ZNF487: variants seen among roughly 807,000 people sequenced by gnomAD.
ZNF487 encodes the protein KRAB domain only 1.
In ZNF487, 4 loss-of-function variants were observed where a neutral mutation model predicts 3.0. The observed-to-expected ratio is 1.35, with a 90% CI of 0.66 to 3.08. The LOEUF is 3.08. Ranked by LOEUF, ZNF487 falls within the 30% of genes most tolerant of loss-of-function variation. The pLI is 0.01. For synonymous variants in ZNF487, 55 were observed against 34.6 expected (o/e 1.59, Z -2.06); for missense variants, 146 against 98.7 (o/e 1.48, Z -2.03).
chr10:43,462,669 T>C (rs1840473606), intron 1 of ZNF487, among the ~76,000 whole-genome samples: 2 of 152,094 alleles, frequency 1.3e-5, no homozygotes, highest in African/African-American at 4.8e-5. Flanking sequence ...TTGGCCAGGA[T>C]GGTCACGATC....
At chr10:43,443,372 G>GT (rs1839687537) in intron 1 of ZNF487, among the ~76,000 whole-genome samples, 1 of 139,174 alleles carries the variant, frequency 7.2e-6, no homozygotes. Flanking sequence ...CCTAGTTTTT[G>GT]TTTTTGTTTT....
the ZNF487 span, among the ~76,000 whole-genome samples, chr10:43,493,059 C>G: frequency 2.0e-5 from 3 of 151,890 alleles, no homozygotes; most frequent in East Asian, 5.8e-4. Flanking sequence ...GGAGAAACCC[C>G]GTCTCTACCA....
chr10:43,459,737 C>T (rs983720821), intron 1 of ZNF487, among the ~76,000 whole-genome samples: 3 of 150,994 alleles, frequency 2.0e-5, no homozygotes, highest in Non-Finnish European at 4.4e-5. Context: ...TTTGTACAGA[C>T]AGGGTTTTGC....
At chr10:43,479,170 C>T (rs924573107) in intron 3 of ZNF487, among the ~76,000 whole-genome samples, 1 of 149,468 alleles carries the variant, frequency 6.7e-6, no homozygotes, top group African/African-American at 2.4e-5. Flanking sequence ...TGCTGTGTTG[C>T]TCAGACTGGT....
chr10:43,495,491 G>T, the ZNF487 span, among the ~76,000 whole-genome samples: 3 of 152,046 alleles, frequency 2.0e-5, no homozygotes, highest in African/African-American at 7.2e-5. Context: ...TGATTTGCCC[G>T]CCTGGGGCTC....
chr10:43,480,750 A>G lies in ZNF487; in HGVS notation c.131-679A>G, dbSNP rs564546390. ...TCTCTTTTTTTTTTTTAATAATTCA[A>G]TGGGCACAGTTGAGAGTTCAGAGCT... On this transcript the variant is annotated intron_variant, in intron 3 of 3. Coordinates refer to ENST00000437590, the MANE Select transcript of ZNF487 (RefSeq NM_001355444.3). 1.1e-4 allele frequency among the ~76,000 whole-genome samples: 16 copies of G among 151,490 alleles called. 1 individual carries two copies. In the South Asian group the frequency reaches 1.5e-3, roughly 14 times the overall value.
intron 1 of ZNF487, among the ~76,000 whole-genome samples, chr10:43,442,261 AC>A (rs1191720743): frequency 3.4e-4 from 51 of 149,900 alleles, no homozygotes; most frequent in African/African-American, 1.1e-3. Context: ...AACAACAACA[AC>A]AACAACAAAA....
the ZNF487 span, among the ~76,000 whole-genome samples, chr10:43,493,709 AATATATATATAT>A: frequency 0.04 from 1,738 of 43,658 alleles, 72 homozygotes; most frequent in East Asian, 0.14. Context: ...AAAAAAAAAA[AATATATATATAT>A]ATATATATAT....
chr10:43,461,037 G>T lies in ZNF487; in HGVS notation c.-93-14684G>T, dbSNP rs188203098. ...TTTTTTTTTTTTGAGACAGAGTTTC[G>T]CTCTCATCGCCCAGGCTGGAGTGCA... is the stretch of plus-strand genomic sequence containing the variant. On this transcript the variant is annotated intron_variant, in intron 1 of 3. Coordinates refer to ENST00000437590, the MANE Select transcript of ZNF487 (RefSeq NM_001355444.3). Among the ~76,000 whole-genome samples the T allele has an allele frequency of 3.5e-3, 511 of 147,134 alleles. 5 individuals are homozygous for T. Among genetic ancestry groups the T allele is most frequent in the Non-Finnish European group, 5.4e-3 (364 of 67,014 alleles).
At chr10:43,507,467 A>G in the ZNF487 span, among the ~76,000 whole-genome samples, 1 of 152,164 alleles carries the variant, frequency 6.6e-6, no homozygotes, top group Non-Finnish European at 1.5e-5. Flanking sequence ...GCTTCTGTTC[A>G]GCGTGCTCTC....
intron 1 of ZNF487, among the ~76,000 whole-genome samples, chr10:43,467,287 C>T (rs1047599325): frequency 6.6e-6 from 1 of 152,062 alleles, no homozygotes; most frequent in African/African-American, 2.4e-5. Flanking sequence ...TCACTGCAAC[C>T]TCTGCCTCGC....
chr10:43,522,005 A>T, the ZNF487 span, among the ~76,000 whole-genome samples: 1 of 152,216 alleles, frequency 6.6e-6, no homozygotes, highest in African/African-American at 2.4e-5. Context: ...TGACAGGTTC[A>T]TTAATGACAA....
chr10:43,455,089 A>G (rs1840132995), intron 1 of ZNF487, among the ~76,000 whole-genome samples: 1 of 151,096 alleles, frequency 6.6e-6, no homozygotes, highest in Admixed American at 6.6e-5. Context: ...GCTCACTGCA[A>G]GCTCCGCCTC....
chr10:43,442,260 AACAACAAC>A (rs1453854717), intron 1 of ZNF487, among the ~76,000 whole-genome samples: 6 of 150,018 alleles, frequency 4.0e-5, no homozygotes, highest in African/African-American at 1.2e-4. Flanking sequence ...CAACAACAAC[AACAACAAC>A]AAAAAAAAAA....
the ZNF487 span, among the ~76,000 whole-genome samples, chr10:43,503,298 A>T: frequency 6.6e-6 from 1 of 152,238 alleles, no homozygotes; most frequent in Non-Finnish European, 1.5e-5. Context: ...ATATATAGAT[A>T]GAAAAAAGCT....
intron 3 of ZNF487, among the ~76,000 whole-genome samples, chr10:43,477,944 C>G (rs1395441522): frequency 1.3e-5 from 2 of 150,090 alleles, no homozygotes; most frequent in African/African-American, 4.9e-5. Flanking sequence ...GAGCGAGACT[C>G]CATCTCGAAA....
At chr10:43,450,488 G>T (rs1338332426) in intron 1 of ZNF487, among the ~76,000 whole-genome samples, 1 of 152,076 alleles carries the variant, frequency 6.6e-6, no homozygotes, top group East Asian at 1.9e-4. Context: ...GAGTATCTGG[G>T]ATTACAGGAA....
In ZNF487 at chr10:43,481,728, A is replaced by T; in HGVS notation, c.430A>T (p.Asn144Tyr). 1 of 716,608 alleles carries T rather than the reference A, an allele frequency of 1.4e-6. No homozygotes were observed. Among genetic ancestry groups the T allele is most frequent in the Non-Finnish European group, 2.6e-6 (1 of 384,974 alleles). 44.4% of individuals were successfully genotyped at this position (716,608 alleles called of 1,614,324 possible). A position where few individuals can be genotyped will look rare whatever the true frequency, so the allele number is the denominator to read the frequency against. ...GKFLLCMKRE[N>Y]PYARGKPLEY... ...ATTTCTCCTCTGTATGAAGCGTGAG[A>T]ATCCTTATGCCAGAGGGAAACCTTT... The change falls in exon 4 of 4, where the codon AAT (asparagine) becomes TAT (tyrosine). Residue 144 changes from asparagine (N) to tyrosine (Y), a missense_variant. By Grantham distance (143) the Asn-to-Tyr change is moderately radical. Transcript: ENST00000437590.
chr10:43,463,506 G>A (rs1317246361), intron 1 of ZNF487, among the ~76,000 whole-genome samples: 1 of 151,498 alleles, frequency 6.6e-6, no homozygotes, highest in Non-Finnish European at 1.5e-5. Flanking sequence ...CCACTGCATT[G>A]CAGTCTGGGT....
Sources: gnomAD v4.1 joint callset for allele counts (sites outside exome capture counted in the v4.1 genomes callset) on GRCh38, gnomAD v4.1.1 for gene constraint, MANE v1.5 for transcripts, NCBI Gene and HGNC (gene_info 2026-07-23, HGNC 2026-07-21) for gene names.